MCOLN2: variants seen among roughly 807,000 people sequenced by gnomAD.
MCOLN2 encodes mucolipin-2.
MCOLN2 carries 57 observed loss-of-function variants against 67.5 expected under a neutral mutation model. That is an observed-to-expected ratio of 0.84 (90% CI 0.68 to 1.05). The LOEUF (loss-of-function observed/expected upper bound fraction) is 1.05, where lower values mean the gene tolerates loss of function less well. Ranked by LOEUF, MCOLN2 falls within the 50% of genes least tolerant of loss-of-function variation. The pLI, the probability that MCOLN2 is intolerant of heterozygous loss-of-function variation, is 0.00. For missense variants in MCOLN2, 620 were observed against 678.8 expected, an observed-to-expected ratio of 0.91 and a Z score of 0.96; for synonymous variants, 246 against 233.3, an observed-to-expected ratio of 1.05 and a Z score of -0.50.
At chr1:84,960,421 T>C (rs551523890) in intron 2 of MCOLN2, among the ~76,000 whole-genome samples, 27 of 152,324 alleles carry the variant, frequency 1.8e-4, no homozygotes, top group African/African-American at 5.5e-4. Flanking sequence ...ATGCTTCTTA[T>C]AATGAACTTA....
At chr1:84,975,715 C>A (rs1649959845) in intron 1 of MCOLN2, among the ~76,000 whole-genome samples, 1 of 152,086 alleles carries the variant, frequency 6.6e-6, no homozygotes, top group Admixed American at 6.5e-5. Context: ...CTTGGAGAAA[C>A]AGAGACAGGT....
intron 6 of MCOLN2, among the ~76,000 whole-genome samples, chr1:84,949,455 G>A (rs621003): frequency 0.24 from 35,765 of 151,886 alleles, 4,353 homozygotes; most frequent in South Asian, 0.29. Context: ...TAGCTAACAC[G>A]GTGAAACCTC....
At chr1:84,993,616 T>TAG (rs33976700) in intron 1 of MCOLN2, among the ~76,000 whole-genome samples, 60,838 of 144,714 alleles carry the variant, frequency 0.42, 13,790 homozygotes, top group East Asian at 0.63. Flanking sequence ...TCTTAAATAA[T>TAG]GTCTTTTTTT....
intron 2 of MCOLN2, 55 bp downstream of exon 2, chr1:84,965,494 A>G: frequency 1.9e-6 from 3 of 1,571,290 alleles, no homozygotes; most frequent in Non-Finnish European, 2.6e-6. Flanking sequence ...AACACATGAA[A>G]AGAGTTTTGT....
intron 7 of MCOLN2, among the ~76,000 whole-genome samples, chr1:84,943,789 T>C (rs746688557): frequency 5.9e-5 from 9 of 152,152 alleles, no homozygotes; most frequent in Non-Finnish European, 1.2e-4. Context: ...GAGGCTGCCA[T>C]GAGAATCAGG....
intron 2 of MCOLN2, among the ~76,000 whole-genome samples, chr1:84,964,268 A>C (rs758500720): frequency 7.9e-5 from 12 of 152,198 alleles, no homozygotes; most frequent in Non-Finnish European, 1.8e-4. Flanking sequence ...AACTCTAGTT[A>C]TGGCAGGGAC....
intron 1 of MCOLN2, among the ~76,000 whole-genome samples, chr1:84,982,074 G>GTGT (rs1650284988): frequency 8.5e-6 from 1 of 118,014 alleles, no homozygotes; most frequent in East Asian, 2.6e-4. Context: ...TTAGCCATGG[G>GTGT]TTTTTTTTTT....
intron 1 of MCOLN2, among the ~76,000 whole-genome samples, chr1:84,981,617 C>A (rs576172497): frequency 6.6e-6 from 1 of 152,168 alleles, no homozygotes; most frequent in African/African-American, 2.4e-5. Flanking sequence ...CAATTAAATT[C>A]ATGGACAGAG....
At chr1:84,996,121 T>C (rs975862947) in intron 1 of MCOLN2, among the ~76,000 whole-genome samples, 7 of 152,076 alleles carry the variant, frequency 4.6e-5, no homozygotes, top group Non-Finnish European at 1.0e-4. Flanking sequence ...CTATCAAATT[T>C]CCCAAAAGTT....
chr1:84,968,467 A>G (rs577613064), intron 1 of MCOLN2, among the ~76,000 whole-genome samples: 16 of 152,250 alleles, frequency 1.1e-4, no homozygotes, highest in Admixed American at 6.5e-5. Context: ...AAATATAACT[A>G]AGCACATGAG....
At chr1:84,939,523 G>T in intron 9 of MCOLN2, 30 bp downstream of exon 9, 1 of 1,610,112 alleles carries the variant, frequency 6.2e-7, no homozygotes, top group South Asian at 1.1e-5. Context: ...AGAAGATGAA[G>T]AACAGAGACT....
intron 8 of MCOLN2, 44 bp from the exon 9 acceptor site, chr1:84,939,746 C>T (rs1213411071): frequency 1.9e-6 from 3 of 1,603,338 alleles, no homozygotes; most frequent in Non-Finnish European, 2.6e-6. Flanking sequence ...AACCACACTG[C>T]CCTCTGGAAG....
Position 84,956,689 on chromosome 1 carries a change from C to CA in MCOLN2, c.412-106dup, listed in dbSNP as rs1648813173. 1.6e-5 allele frequency: 15 copies of CA among 955,070 alleles called. No homozygotes were observed. In the South Asian group the frequency reaches 2.8e-4, roughly 18 times the overall value. The allele number at this position is 955,070 out of a possible 1,614,324, so 59.2% of individuals were successfully genotyped here. A position where few individuals can be genotyped will look rare whatever the true frequency, so the allele number is the denominator to read the frequency against. The stretch of plus-strand genomic sequence containing the variant: ...TTCAGTTACTTTGTATTGTTTACAT[C>CA]ATGGCTCTCAATAGAACTTCCCAAT... On this transcript the variant is annotated intron_variant, in intron 3 of 13. Transcript: ENST00000370608.
intron 1 of MCOLN2, among the ~76,000 whole-genome samples, chr1:84,978,542 C>T (rs553364128): frequency 8.8e-4 from 134 of 152,170 alleles, no homozygotes; most frequent in South Asian, 5.8e-3. Flanking sequence ...ACAACTGATA[C>T]TACAGAAATT....
chr1:84,955,791 G>A (rs1648750228), intron 4 of MCOLN2, among the ~76,000 whole-genome samples: 1 of 152,084 alleles, frequency 6.6e-6, no homozygotes, highest in Admixed American at 6.6e-5. Context: ...GATTATTACA[G>A]TATGATATGA....
intron 9 of MCOLN2, 49 bp downstream of exon 9, chr1:84,939,504 C>T (rs1557633972): frequency 1.3e-6 from 2 of 1,585,292 alleles, no homozygotes; most frequent in Non-Finnish European, 1.7e-6. Context: ...ATGCCTGTGG[C>T]CATCCAGGAG....
intron 7 of MCOLN2, among the ~76,000 whole-genome samples, chr1:84,943,372 G>A (rs72944587): frequency 0.083 from 12,625 of 152,102 alleles, 809 homozygotes; most frequent in African/African-American, 0.18. Context: ...TGGGAGTGAC[G>A]GCCCCTCAGA....
At chr1:84,965,098 C>T (rs923671511) in intron 2 of MCOLN2, among the ~76,000 whole-genome samples, 2 of 152,158 alleles carry the variant, frequency 1.3e-5, no homozygotes, top group Non-Finnish European at 2.9e-5. Flanking sequence ...AACAAAAGGT[C>T]TAAATGTAGC....
chr1:84,952,215 A>T, intron 6 of MCOLN2, 28 bp downstream of exon 6: 1 of 1,490,146 alleles, frequency 6.7e-7, no homozygotes, highest in Admixed American at 1.8e-5. Flanking sequence ...AAATAAAAGG[A>T]AGTAGCTAGT....
Sources: gnomAD v4.1 joint callset for allele counts (sites outside exome capture counted in the v4.1 genomes callset) on GRCh38, gnomAD v4.1.1 for gene constraint, MANE v1.5 for transcripts, NCBI Gene and HGNC (gene_info 2026-07-23, HGNC 2026-07-21) for gene names.